ZNF503: variants seen among roughly 807,000 people sequenced by gnomAD.
ZNF503 encodes the protein zinc finger protein 503, also known as NocA-like zinc finger 2.
A neutral mutation model predicts 34.4 loss-of-function variants in ZNF503; 15 were observed. The observed-to-expected ratio is 0.44, with a 90% confidence interval of 0.29 to 0.67. The LOEUF (loss-of-function observed/expected upper bound fraction) is 0.67, where lower values mean the gene tolerates loss of function less well. ZNF503 is among the 30% of genes least tolerant of loss of function. ZNF503 has a pLI of 0.13. For synonymous variants in ZNF503, 580 were observed against 456.8 expected (o/e 1.27, Z -3.44); for missense variants, 1,007 against 926.8 (o/e 1.09, Z -1.12).
chr10:75,295,343 G>A, the ZNF503 span, among the ~76,000 whole-genome samples: 1 of 152,080 alleles, frequency 6.6e-6, no homozygotes, highest in Non-Finnish European at 1.5e-5. This position sits in a 1 kb window ranked among gnomAD's most constrained non-coding sequence, Gnocchi z 4.0. Context: ...CCAAAGTTGT[G>A]CCGCAGACCC....
At chr10:75,320,210 GGTGGCTCATGCCT>G in the ZNF503 span, among the ~76,000 whole-genome samples, 1 of 152,202 alleles carries the variant, frequency 6.6e-6, no homozygotes, top group Admixed American at 6.5e-5. Context: ...GGCTGGGCAT[GGTGGCTCATGCCT>G]GTAATCCCAG....
the ZNF503 span, among the ~76,000 whole-genome samples, chr10:75,305,496 T>G: frequency 6.6e-6 from 1 of 152,136 alleles, no homozygotes; most frequent in Non-Finnish European, 1.5e-5. Flanking sequence ...TAATACAAGT[T>G]TTTTTGTTTT....
At chr10:75,400,973 G>A (rs1012154147) in intron 1 of ZNF503, 132 bp downstream of exon 1, 3 of 1,339,322 alleles carry the variant, frequency 2.2e-6, no homozygotes, top group South Asian at 2.6e-5. Context: ...TACGGAAGCA[G>A]TAGCCTCTTC....
chr10:75,393,845 C>T (rs561209548), downstream of ZNF503, among the ~76,000 whole-genome samples: 58 of 151,138 alleles, frequency 3.8e-4, no homozygotes, highest in Non-Finnish European at 6.5e-4. Flanking sequence ...GGTGACAGAG[C>T]GAGACTCTGT....
chr10:75,284,334 A>C, the ZNF503 span, among the ~76,000 whole-genome samples: 19 of 149,296 alleles, frequency 1.3e-4, no homozygotes, highest in African/African-American at 4.0e-4. Flanking sequence ...AAGAGAGCAG[A>C]CAGTAGGGAG....
At chr10:75,360,899 A>G in the ZNF503 span, 1 of 152,252 alleles carries the variant, frequency 6.6e-6, no homozygotes, top group Non-Finnish European at 1.5e-5. Context: ...GTGAGAAGAT[A>G]TTCTTCCTGG....
At chr10:75,375,224 G>A in the ZNF503 span, among the ~76,000 whole-genome samples, 2 of 152,202 alleles carry the variant, frequency 1.3e-5, no homozygotes, top group South Asian at 4.1e-4. Flanking sequence ...GAGTTCAAGC[G>A]ATTCTCCTGC....
At chr10:75,317,135 T>C in the ZNF503 span, among the ~76,000 whole-genome samples, 2 of 150,604 alleles carry the variant, frequency 1.3e-5, no homozygotes, top group African/African-American at 4.9e-5. Flanking sequence ...AGAGGCAGAG[T>C]TTCGCCATGC....
chr10:75,320,682 G>C, the ZNF503 span, among the ~76,000 whole-genome samples: 1 of 151,886 alleles, frequency 6.6e-6, no homozygotes, highest in Non-Finnish European at 1.5e-5. Flanking sequence ...ATAAGAAAAA[G>C]AATACAGCAA....
At chr10:75,318,553 C>T in the ZNF503 span, among the ~76,000 whole-genome samples, 2 of 151,280 alleles carry the variant, frequency 1.3e-5, no homozygotes, top group African/African-American at 4.9e-5. Flanking sequence ...CCTGTAGTAC[C>T]AGCTGCTCAG....
downstream of ZNF503, among the ~76,000 whole-genome samples, chr10:75,397,330 C>A (rs958377285): frequency 2.6e-5 from 4 of 152,210 alleles, no homozygotes; most frequent in Non-Finnish European, 4.4e-5. Flanking sequence ...TGCGTACTCC[C>A]CCCAGGCCCG....
chr10:75,280,079 C>T, the ZNF503 span: 1 of 152,078 alleles, frequency 6.6e-6, no homozygotes, highest in South Asian at 2.1e-4. Flanking sequence ...TGATTCAAGG[C>T]CTCCTTTGTC....
chr10:75,296,215 G>A, the ZNF503 span, among the ~76,000 whole-genome samples: 1 of 152,238 alleles, frequency 6.6e-6, no homozygotes, highest in Admixed American at 6.5e-5. Context: ...CAGCATGGTA[G>A]AGGGGCTGTT....
chr10:75,380,637 C>A, the ZNF503 span, among the ~76,000 whole-genome samples: 1 of 152,064 alleles, frequency 6.6e-6, no homozygotes, highest in Non-Finnish European at 1.5e-5. Flanking sequence ...TTGCACTGAG[C>A]AAAATCAAAG....
At chr10:75,364,708 G>GA in the ZNF503 span, among the ~76,000 whole-genome samples, 4 of 151,134 alleles carry the variant, frequency 2.6e-5, no homozygotes, top group Admixed American at 6.6e-5. Context: ...AGACTAATTA[G>GA]AAAAAAAAAT....
At chr10:75,394,535 G>C (rs776276551), downstream of ZNF503, among the ~76,000 whole-genome samples, 2 of 152,254 alleles carry the variant, frequency 1.3e-5, no homozygotes, top group African/African-American at 2.4e-5. Flanking sequence ...TGTGCTAACC[G>C]ATTGCGCTGC....
the ZNF503 span, among the ~76,000 whole-genome samples, chr10:75,392,132 C>T: frequency 2.6e-5 from 4 of 152,186 alleles, no homozygotes; most frequent in South Asian, 6.2e-4. Flanking sequence ...GCTTCATCAC[C>T]TGTAAAATGG....
Position 75,399,731 on chromosome 10 carries a change from C to A in ZNF503, c.959G>T (p.Gly320Val). 6.3e-7 allele frequency: 1 copy of A among 1,595,528 alleles called. No homozygotes were observed. ...DCGGSSGSSS[G>V]SGPSAPTSSS... is the part of the protein sequence containing the mutation. Reference sequence around the variant, plus strand: ...GGAGGTGGGCGCGCTGGGGCCGGAGCCGGAGCTGGAGCCCGATGAACCGCC... The same window carrying A: ...GGAGGTGGGCGCGCTGGGGCCGGAGACGGAGCTGGAGCCCGATGAACCGCC... The change falls in exon 2 of 2, where the codon GGC (glycine) becomes GTC (valine). Residue 320 changes from glycine (G) to valine (V), a missense_variant. Gly to Val is a moderately radical substitution (Grantham distance 109, BLOSUM62 -3). Coordinates refer to ENST00000372524, the MANE Select transcript of ZNF503 (RefSeq NM_032772.6).
At chr10:75,293,150 G>C in the ZNF503 span, among the ~76,000 whole-genome samples, 1 of 152,222 alleles carries the variant, frequency 6.6e-6, no homozygotes, top group Non-Finnish European at 1.5e-5. Flanking sequence ...GTTCGTTGGA[G>C]AAGGGGGCTG....
Sources: gnomAD v4.1 joint callset for allele counts (sites outside exome capture counted in the v4.1 genomes callset) on GRCh38, gnomAD v4.1.1 for gene constraint, Gnocchi (gnomAD v3.1) non-coding constraint, MANE v1.5 for transcripts, NCBI Gene and HGNC (gene_info 2026-07-23, HGNC 2026-07-21) for gene names.